The following KCTD16 variants were observed in gnomAD, a reference collection of about 807,000 sequenced individuals.
KCTD16 encodes the protein potassium channel tetramerization domain containing 16.
A neutral mutation model predicts 33.2 loss-of-function variants in KCTD16; 13 were observed. The ratio of observed to expected loss-of-function variants is 0.39; its 90% CI spans 0.25 to 0.62. KCTD16 has a LOEUF of 0.62. Ranked by LOEUF, KCTD16 falls within the 20% of genes least tolerant of loss-of-function variation. The probability of loss-of-function intolerance (pLI) is 0.50; values close to 1 mark genes in which losing one functional copy is unlikely to be tolerated. For missense variants in KCTD16, 441 were observed against 525.1 expected, an observed-to-expected ratio of 0.84 and a Z score of 1.57; for synonymous variants, 197 against 195.3, an observed-to-expected ratio of 1.01 and a Z score of -0.07.
chr5:144,441,031 T>C (rs1753695062), intron 3 of KCTD16, among the ~76,000 whole-genome samples: 1 of 152,120 alleles, frequency 6.6e-6, no homozygotes, highest in Non-Finnish European at 1.5e-5. Context: ...AGAATGAATG[T>C]TGAGTATTTT....
intron 3 of KCTD16, among the ~76,000 whole-genome samples, chr5:144,282,164 A>G (rs1691148336): frequency 6.6e-6 from 1 of 152,200 alleles, no homozygotes; most frequent in Non-Finnish European, 1.5e-5. Context: ...ACCTCTAGGA[A>G]GTAGAAAGGA....
chr5:144,171,312 G>A (rs1752378545), intron 1 of KCTD16, among the ~76,000 whole-genome samples: 1 of 152,166 alleles, frequency 6.6e-6, no homozygotes, highest in East Asian at 1.9e-4. Flanking sequence ...GTGAGTGGGA[G>A]TTAGAGAAGA....
At chr5:144,257,752 G>C (rs1186591942) in intron 3 of KCTD16, among the ~76,000 whole-genome samples, 1 of 152,206 alleles carries the variant, frequency 6.6e-6, no homozygotes, top group Non-Finnish European at 1.5e-5. Flanking sequence ...CTCCCAAAGT[G>C]CTGGGATTAC....
chr5:144,403,827 G>GTAGTA (rs1752756475), intron 3 of KCTD16, among the ~76,000 whole-genome samples: 3 of 152,196 alleles, frequency 2.0e-5, no homozygotes, highest in Admixed American at 2.0e-4. Flanking sequence ...TCTCTGGTAA[G>GTAGTA]TAGTAACAAA....
At chr5:144,258,478 T>G (rs545765115) in intron 3 of KCTD16, among the ~76,000 whole-genome samples, 93 of 152,302 alleles carry the variant, frequency 6.1e-4, no homozygotes, top group African/African-American at 2.0e-3. Flanking sequence ...GAAGAGACAA[T>G]GTTTAGTGTG....
intron 3 of KCTD16, among the ~76,000 whole-genome samples, chr5:144,366,168 T>C (rs1234989902): frequency 6.6e-6 from 1 of 152,198 alleles, no homozygotes; most frequent in African/African-American, 2.4e-5. Context: ...TCAGTAAAAA[T>C]GTGTTATTAT....
intron 3 of KCTD16, among the ~76,000 whole-genome samples, chr5:144,303,983 A>G (rs1056270910): frequency 8.5e-5 from 13 of 152,180 alleles, no homozygotes; most frequent in African/African-American, 2.9e-4. Context: ...TACATCTATG[A>G]CACTTTTTGG....
intron 3 of KCTD16, among the ~76,000 whole-genome samples, chr5:144,345,034 G>T (rs1210052580): frequency 1.3e-5 from 2 of 151,954 alleles, no homozygotes; most frequent in Non-Finnish European, 2.9e-5. Context: ...CATGAAAAAT[G>T]ATGAGTTCAT....
intron 3 of KCTD16, among the ~76,000 whole-genome samples, chr5:144,256,765 G>T (rs1172658237): frequency 2.1e-5 from 3 of 145,282 alleles, no homozygotes; most frequent in African/African-American, 5.5e-5. Context: ...TCATCATGTT[G>T]CTAAAGGAAA....
At chr5:144,246,692 A>T (rs1279593801) in intron 3 of KCTD16, among the ~76,000 whole-genome samples, 1 of 152,184 alleles carries the variant, frequency 6.6e-6, no homozygotes, top group Non-Finnish European at 1.5e-5. Context: ...GCCAACATTG[A>T]CAAGGTACCA....
intron 3 of KCTD16, among the ~76,000 whole-genome samples, chr5:144,270,421 ACAAG>A (rs1755260992): frequency 6.6e-6 from 1 of 151,954 alleles, no homozygotes; most frequent in Non-Finnish European, 1.5e-5. Context: ...GTGGAAACAT[ACAAG>A]CAATGGATCA....
chr5:144,414,808 C>T (rs1457345573), intron 3 of KCTD16, among the ~76,000 whole-genome samples: 1 of 152,116 alleles, frequency 6.6e-6, no homozygotes, highest in East Asian at 1.9e-4. Context: ...CAATAATGAA[C>T]ATTTGACTTG....
intron 3 of KCTD16, among the ~76,000 whole-genome samples, chr5:144,400,985 T>TG (rs1263929572): frequency 6.6e-6 from 1 of 152,034 alleles, no homozygotes; most frequent in African/African-American, 2.4e-5. Context: ...CCAGGGCAAT[T>TG]GGGGCAAAAT....
intron 3 of KCTD16, among the ~76,000 whole-genome samples, chr5:144,335,027 G>T (rs244535): frequency 1.8e-4 from 27 of 151,848 alleles, no homozygotes; most frequent in Middle Eastern, 3.4e-3. Flanking sequence ...CGATTCCCCT[G>T]CCTTGACCTT....
chr5:144,247,904 C>G (rs542856556), intron 3 of KCTD16, among the ~76,000 whole-genome samples: 1 of 152,214 alleles, frequency 6.6e-6, no homozygotes, highest in African/African-American at 2.4e-5. Flanking sequence ...TTCTTCCCTG[C>G]AAGCAACACC....
At chr5:144,210,576 T>C (rs957776238) in intron 3 of KCTD16, among the ~76,000 whole-genome samples, 1 of 152,112 alleles carries the variant, frequency 6.6e-6, no homozygotes, top group South Asian at 2.1e-4. Flanking sequence ...GAAGGTGAGG[T>C]CATAAATATC....
intron 2 of KCTD16, chr5:144,205,683 C>T (rs980342353): frequency 2.5e-6 from 1 of 398,114 alleles, no homozygotes; most frequent in African/African-American, 2.1e-5. Flanking sequence ...TTTCTTTTTC[C>T]ATTTTTCTTT....
intron 3 of KCTD16, among the ~76,000 whole-genome samples, chr5:144,293,580 A>G (rs1755954678): frequency 6.6e-6 from 1 of 152,220 alleles, no homozygotes; most frequent in African/African-American, 2.4e-5. Context: ...CTGAAACTTA[A>G]TCCATCTATA....
chr5:144,428,936 T>A (rs979651384), intron 3 of KCTD16, among the ~76,000 whole-genome samples: 1 of 152,196 alleles, frequency 6.6e-6, no homozygotes, highest in Non-Finnish European at 1.5e-5. Flanking sequence ...TTTTTTAACA[T>A]CAGTTGGCAA....
Sources: allele counts gnomAD v4.1 joint callset (sites outside exome capture counted in the v4.1 genomes callset), GRCh38; gene constraint gnomAD v4.1.1; transcripts MANE v1.5; gene names NCBI Gene and HGNC (gene_info 2026-07-23, HGNC 2026-07-21).